RBM19: variants seen among roughly 807,000 people sequenced by gnomAD.
RBM19 encodes RNA binding motif protein 19, also known as probable RNA-binding protein 19.
A neutral mutation model predicts 116.8 loss-of-function variants in RBM19; 94 were observed. That is an observed-to-expected ratio of 0.80 (90% CI 0.68 to 0.95). The LOEUF (loss-of-function observed/expected upper bound fraction) is 0.95. Ranked by LOEUF, RBM19 falls within the 40% of genes least tolerant of loss-of-function variation. The pLI is 0.00. For synonymous variants in RBM19, 475 were observed against 494.1 expected, an observed-to-expected ratio of 0.96 and a Z score of 0.51; for missense variants, 1,161 against 1,220.7, an observed-to-expected ratio of 0.95 and a Z score of 0.73.
At position 113,911,597 on chromosome 12, in the gene RBM19, C is replaced by T. The variant is rs1031384664; in HGVS notation, c.2558+3372G>A. ...CTGCCAGGGGCTGGATTAAGTGCCT[C>T]ATTTGTACAATCTCATTTAATCCTT... On this transcript the variant is annotated intron_variant, in intron 21 of 23. Transcript: ENST00000261741. 6.6e-5 allele frequency among the ~76,000 whole-genome samples: 10 copies of T among 152,158 alleles called. 1 individual carries two copies. Among genetic ancestry groups the T allele is most frequent in the African/African-American group, 2.4e-4 (10 of 41,436 alleles).
rs76806115 is a variant in RBM19 at position 113,940,360 on chromosome 12, G to T, written c.1738-200C>A. Reference sequence around the variant, plus strand: ...AAGGCTGCAAGGCAGCTCTGCAGAGGGGGTAAGGCCTGGGACTCTGAAGCT... The same window carrying T: ...AAGGCTGCAAGGCAGCTCTGCAGAGTGGGTAAGGCCTGGGACTCTGAAGCT... On this transcript the variant is annotated intron_variant, in intron 14 of 23. Coordinates refer to ENST00000261741, the MANE Select transcript of RBM19 (RefSeq NM_016196.4). Among the ~76,000 whole-genome samples, 38 of 152,088 alleles carry T rather than the reference G, an allele frequency of 2.5e-4. No individual in the cohort carries two copies. The South Asian group carries it at 3.5e-3, about 14-fold the overall frequency.
chr12:113,916,062 C>A (rs1331434455), intron 20 of RBM19, among the ~76,000 whole-genome samples: 4 of 152,112 alleles, frequency 2.6e-5, no homozygotes, highest in African/African-American at 7.2e-5. Context: ...TGGGGCTATG[C>A]TGTCTCATAT....
In RBM19 at chr12:113,966,136, C is replaced by T. The variant is rs1405763900; in HGVS notation, c.36+56G>A. On this transcript the variant is annotated intron_variant, in intron 1 of 23. Coordinates refer to ENST00000261741, the MANE Select transcript of RBM19 (RefSeq NM_016196.4). ...TCACCTCCAGGCATCTCTTCCCTAC[C>T]TCACAGCTCCCGGCTGGTCTCATTT... 7 of 1,611,726 alleles carry T rather than the reference C, an allele frequency of 4.3e-6. No homozygotes were observed. The African/African-American group carries it at 8.0e-5, about 18-fold the overall frequency.
intron 8 of RBM19, among the ~76,000 whole-genome samples, chr12:113,950,866 C>T (rs1334963821): frequency 6.6e-6 from 1 of 152,128 alleles, no homozygotes; most frequent in African/African-American, 2.4e-5. Context: ...TCATCCATCC[C>T]CATAAACATC....
At position 113,959,217 on chromosome 12, in the gene RBM19, A is replaced by T. The variant is rs1256625154; in HGVS notation, c.566T>A (p.Leu189Gln). The change falls in exon 5 of 24, where the codon CTG becomes CAG. Residue 189 changes from leucine (L) to glutamine (Q), a missense_variant. By Grantham distance (113) the Leu-to-Gln change is moderately radical. Coordinates refer to ENST00000261741, the MANE Select transcript of RBM19 (RefSeq NM_016196.4). Reference protein sequence around the residue: ...ESEEEGAGEDLEEEASLEPKA... With the variant: ...ESEEEGAGEDQEEEASLEPKA... Reference sequence around the variant, plus strand: ...CACAGTCCCCATGCCCTCACCTTCCAGGTCCTCCCCGGCTCCCTCCTCCTC... The same window carrying T: ...CACAGTCCCCATGCCCTCACCTTCCTGGTCCTCCCCGGCTCCCTCCTCCTC... 1.2e-6 allele frequency: 2 copies of T among 1,609,526 alleles called. No individual in the cohort carries two copies. Among genetic ancestry groups the T allele is most frequent in the African/African-American group, 1.3e-5 (1 of 74,946 alleles).
intron 21 of RBM19, among the ~76,000 whole-genome samples, chr12:113,875,564 G>A (rs905889979): frequency 4.6e-5 from 7 of 152,166 alleles, no homozygotes; most frequent in African/African-American, 1.2e-4. Flanking sequence ...AGCCCAAGTC[G>A]GGACAGCCCT....
intron 21 of RBM19, among the ~76,000 whole-genome samples, chr12:113,907,397 A>C (rs2135837672): frequency 6.6e-6 from 1 of 152,338 alleles, no homozygotes; most frequent in South Asian, 2.1e-4. Context: ...CATCAACGCC[A>C]GAGGAATGCC....
intron 19 of RBM19, among the ~76,000 whole-genome samples, chr12:113,919,912 A>C (rs1883006357): frequency 6.6e-6 from 1 of 152,048 alleles, no homozygotes; most frequent in South Asian, 2.1e-4. Context: ...CAGTGTGCTC[A>C]CAGCCCCCTA....
intron 21 of RBM19, among the ~76,000 whole-genome samples, chr12:113,893,422 C>T (rs932685987): frequency 6.6e-6 from 1 of 152,168 alleles, no homozygotes; most frequent in Non-Finnish European, 1.5e-5. Flanking sequence ...TGAGCCACCG[C>T]GGCTGGCCTA....
At chr12:113,828,359 C>T (rs902638982) in intron 23 of RBM19, among the ~76,000 whole-genome samples, 2 of 152,138 alleles carry the variant, frequency 1.3e-5, no homozygotes, top group Admixed American at 6.5e-5. Flanking sequence ...ACTAGCTGCC[C>T]CTGGAGACAC....
intron 23 of RBM19, among the ~76,000 whole-genome samples, chr12:113,843,026 A>T (rs985963327): frequency 1.3e-5 from 2 of 152,162 alleles, no homozygotes; most frequent in Non-Finnish European, 2.9e-5. Context: ...CTATCTCTGG[A>T]GTTCCAAGTC....
intron 14 of RBM19, among the ~76,000 whole-genome samples, chr12:113,941,523 T>C (rs1011857262): frequency 3.3e-5 from 4 of 120,498 alleles, no homozygotes; most frequent in African/African-American, 8.2e-5. Flanking sequence ...ATGTTAGCTA[T>C]TAGTATATTT....
At chr12:113,933,704 G>A (rs1039238483) in intron 16 of RBM19, among the ~76,000 whole-genome samples, 2 of 152,214 alleles carry the variant, frequency 1.3e-5, no homozygotes, top group African/African-American at 4.8e-5. Context: ...GTAAACCACA[G>A]CATGCTATCT....
intron 21 of RBM19, among the ~76,000 whole-genome samples, chr12:113,864,121 A>T (rs11066795): frequency 0.11 from 16,567 of 152,222 alleles, 1,026 homozygotes; most frequent in Non-Finnish European, 0.15. Flanking sequence ...GACTTGCCCA[A>T]GGTTCCATGG....
intron 21 of RBM19, among the ~76,000 whole-genome samples, chr12:113,899,319 G>A (rs1881533758): frequency 6.6e-6 from 1 of 152,206 alleles, no homozygotes; most frequent in African/African-American, 2.4e-5. Context: ...GAAGTCCGAG[G>A]CAGGAGCCAC....
At chr12:113,874,461 C>T (rs1355711307) in intron 21 of RBM19, among the ~76,000 whole-genome samples, 8 of 152,216 alleles carry the variant, frequency 5.3e-5, no homozygotes, top group Admixed American at 5.2e-4. Flanking sequence ...CCAGAGCAGA[C>T]CCACTGGGCG....
In RBM19 at chr12:113,957,577, A is replaced by G. The variant is rs188751011; in HGVS notation, c.840+205T>C. ...GTGAGACTCTGTCTCAAAAAATAAA[A>G]TAAAATAAAATAAAAATAAAAACAG... On this transcript the variant is annotated intron_variant, in intron 6 of 23. Transcript: ENST00000261741. Among the ~76,000 whole-genome samples the G allele has an allele frequency of 5.3e-5, 8 of 152,276 alleles. No homozygotes were observed. In the East Asian group the frequency reaches 1.5e-3, roughly 29 times the overall value.
At chr12:113,949,977 G>T in intron 9 of RBM19, 106 bp downstream of exon 9, 1 of 1,032,290 alleles carries the variant, frequency 9.7e-7, no homozygotes, top group Non-Finnish European at 1.5e-6. Flanking sequence ...CAGAGACACT[G>T]CATTCTTGGT....
At chr12:113,926,020 A>T (rs1869037163) in intron 17 of RBM19, among the ~76,000 whole-genome samples, 1 of 152,162 alleles carries the variant, frequency 6.6e-6, no homozygotes, top group Non-Finnish European at 1.5e-5. Flanking sequence ...GAAGAAGGTG[A>T]ATCTTGGCTC....
Sources: gnomAD v4.1 joint callset for allele counts (sites outside exome capture counted in the v4.1 genomes callset) on GRCh38, gnomAD v4.1.1 for gene constraint, MANE v1.5 for transcripts, NCBI Gene and HGNC (gene_info 2026-07-23, HGNC 2026-07-21) for gene names.